Variants in SLAIN2 observed in about 807,000 individuals in gnomAD.
SLAIN2 encodes the protein SLAIN family member 2, also known as SLAIN motif-containing protein 2.
A neutral mutation model predicts 56.6 loss-of-function variants in SLAIN2; 31 were observed. The observed-to-expected ratio is 0.55, with a 90% CI of 0.41 to 0.74. SLAIN2 has a LOEUF of 0.74. Among genes scored for constraint, SLAIN2 ranks in the 30% least tolerant of loss-of-function variants. The probability of loss-of-function intolerance (pLI) is 0.00; values close to 1 mark genes in which losing one functional copy is unlikely to be tolerated. For synonymous variants in SLAIN2, 317 were observed against 284.9 expected (o/e 1.11, Z -1.13); for missense variants, 777 against 754.2 (o/e 1.03, Z -0.35).
At position 48,342,031 on chromosome 4, in the gene SLAIN2, C is replaced by T; in HGVS notation, c.292C>T (p.Leu98=). The change falls in exon 1 of 8, where the codon CTA becomes TTA. Residue 98 remains leucine, a synonymous_variant. Transcript: ENST00000264313. ...AGAGCTGCGGGACGCCACCTCCTTGCTAGCGGCGGGCGAGGGCGGCTTGCT... is the reference window on the plus strand; with the variant it reads ...AGAGCTGCGGGACGCCACCTCCTTGTTAGCGGCGGGCGAGGGCGGCTTGCT... ...SEELRDATSL[L]AAGEGGLLDE... is the part of the protein sequence containing the mutation. 1 of 1,407,062 alleles carries T rather than the reference C, an allele frequency of 7.1e-7. No homozygotes were observed. The highest frequency in any genetic ancestry group is 9.2e-7 in the Non-Finnish European group (1 of 1,086,562). 87.2% of individuals were successfully genotyped at this position (1,407,062 alleles called of 1,614,324 possible). A position where few individuals can be genotyped will look rare whatever the true frequency, so the allele number is the denominator to read the frequency against.
chr4:48,345,730 G>C (rs946758237), intron 1 of SLAIN2, among the ~76,000 whole-genome samples: 5 of 142,700 alleles, frequency 3.5e-5, no homozygotes, highest in African/African-American at 1.2e-4. Context: ...ATTTCCTTTT[G>C]TTAGTTTTTA....
chr4:48,382,425 A>G (rs1715991818), intron 4 of SLAIN2, 143 bp from the exon 5 acceptor site: 9 of 731,958 alleles, frequency 1.2e-5, no homozygotes, highest in Non-Finnish European at 1.8e-5. Context: ...ATAAGCCTAT[A>G]TAAGTCTAAA....
chr4:48,380,023 C>T (rs182895971), intron 4 of SLAIN2, among the ~76,000 whole-genome samples, 175 bp downstream of exon 4: 1 of 152,148 alleles, frequency 6.6e-6, no homozygotes, highest in African/African-American at 2.4e-5. Context: ...AACTTGTTTT[C>T]AGAGTCCATT....
At chr4:48,358,218 A>G (rs1715213788) in intron 1 of SLAIN2, among the ~76,000 whole-genome samples, 1 of 152,170 alleles carries the variant, frequency 6.6e-6, no homozygotes, top group African/African-American at 2.4e-5. Context: ...TGTAATGAAG[A>G]TTGAAAGAGT....
chr4:48,394,025 T>TA (rs1220432549), intron 6 of SLAIN2, among the ~76,000 whole-genome samples: 1 of 152,122 alleles, frequency 6.6e-6, no homozygotes, highest in Non-Finnish European at 1.5e-5. Flanking sequence ...AAGTCTGAGG[T>TA]AAAAAATTAG....
At chr4:48,397,979 T>G (rs544064354) in intron 6 of SLAIN2, among the ~76,000 whole-genome samples, 1 of 152,362 alleles carries the variant, frequency 6.6e-6, no homozygotes, top group African/African-American at 2.4e-5. Flanking sequence ...CATGCGTGCA[T>G]ACATCTTTAT....
chr4:48,418,335 C>G (rs777461263), intron 6 of SLAIN2, among the ~76,000 whole-genome samples: 1 of 152,068 alleles, frequency 6.6e-6, no homozygotes, highest in Admixed American at 6.6e-5. Context: ...GAAATTTTCC[C>G]TATTTCTGTT....
intron 6 of SLAIN2, among the ~76,000 whole-genome samples, chr4:48,389,446 C>A (rs1716178014): frequency 6.6e-6 from 1 of 152,054 alleles, no homozygotes; most frequent in Admixed American, 6.5e-5. Flanking sequence ...CTTAATTATT[C>A]AGTAGATATT....
chr4:48,402,323 T>A lies in SLAIN2; in HGVS notation c.1361-17802T>A, dbSNP rs145246581. On this transcript the variant is annotated intron_variant, in intron 6 of 7. Transcript: ENST00000264313. ...ATTTCCTGAATTTGATTATTGACCT[T>A]GTCTTGCTAGGTTGGGGAAGTTTTC... Among the ~76,000 whole-genome samples the A allele has an allele frequency of 1.6e-3, 249 of 152,266 alleles. 2 individuals carry two copies. The highest frequency in any genetic ancestry group is 5.3e-3 in the African/African-American group (221 of 41,556).
Position 48,422,186 on chromosome 4 carries a change from A to C in SLAIN2, c.*109A>C. On this transcript the variant is annotated 3_prime_UTR_variant, in exon 8 of 8. Coordinates refer to ENST00000264313, the MANE Select transcript of SLAIN2 (RefSeq NM_020846.2). ...TCAGATAAGACTCTTGGGATTTATA[A>C]AATCCCAGCCCTCTCTGTCTTAATT... 3.7e-6 allele frequency: 3 copies of C among 813,472 alleles called. No homozygotes were observed. The highest frequency in any genetic ancestry group is 6.0e-6 in the Non-Finnish European group (3 of 500,624). 50.4% of individuals were successfully genotyped at this position (813,472 alleles called of 1,614,324 possible). A position where few individuals can be genotyped will look rare whatever the true frequency, so the allele number is the denominator to read the frequency against.
chr4:48,418,074 TTTC>T (rs144101218), intron 6 of SLAIN2, among the ~76,000 whole-genome samples: 43,344 of 151,338 alleles, frequency 0.29, 6,433 homozygotes, highest in South Asian at 0.48. Flanking sequence ...TTTATTATTA[TTTC>T]TTCTTCTTCT....
At chr4:48,410,734 T>C (rs1335873569) in intron 6 of SLAIN2, among the ~76,000 whole-genome samples, 1 of 152,182 alleles carries the variant, frequency 6.6e-6, no homozygotes, top group African/African-American at 2.4e-5. Flanking sequence ...GATGTAAACC[T>C]GGAACTCAAG....
At chr4:48,373,780 C>T (rs999687550) in intron 2 of SLAIN2, among the ~76,000 whole-genome samples, 1 of 151,660 alleles carries the variant, frequency 6.6e-6, no homozygotes, top group African/African-American at 2.4e-5. Flanking sequence ...GTGGCTTACA[C>T]CTGTAATCCC....
chr4:48,381,470 T>A (rs1715970828), intron 4 of SLAIN2, among the ~76,000 whole-genome samples: 1 of 152,162 alleles, frequency 6.6e-6, no homozygotes, highest in Non-Finnish European at 1.5e-5. Context: ...GTTTTTAAGA[T>A]GAGAAATGCA....
At chr4:48,353,663 G>C (rs1239601385) in intron 1 of SLAIN2, among the ~76,000 whole-genome samples, 1 of 152,126 alleles carries the variant, frequency 6.6e-6, no homozygotes, top group Non-Finnish European at 1.5e-5. Context: ...TGAAAACTAA[G>C]CTGTGGAGTA....
chr4:48,363,790 G>C (rs1441041548), intron 1 of SLAIN2, among the ~76,000 whole-genome samples: 3 of 134,216 alleles, frequency 2.2e-5, no homozygotes, highest in Non-Finnish European at 3.3e-5. Flanking sequence ...CTGGCCGGGT[G>C]GGGGGGCTGA....
intron 5 of SLAIN2, 22 bp from the exon 6 acceptor site, chr4:48,383,625 T>A (rs775672253): frequency 1.4e-5 from 21 of 1,480,978 alleles, no homozygotes; most frequent in African/African-American, 4.2e-5. Flanking sequence ...ATGATTTTTT[T>A]AAAATTAAAA....
rs1714729581 is a variant in SLAIN2, at chr4:48,342,172, G to A, written c.389+44G>A. On this transcript the variant is annotated intron_variant, in intron 1 of 7. Transcript: ENST00000264313. ...GCAGGAGCTGGGCGGGGACGGGCCC[G>A]GGGGCGGAGAGCGTCCTCTGAGGGT... The A allele has an allele frequency of 2.3e-6, 3 of 1,328,610 alleles. No homozygotes were observed. In the African/African-American group the frequency reaches 4.6e-5, roughly 20 times the overall value. The allele number at this position is 1,328,610 out of a possible 1,614,324, so 82.3% of individuals were successfully genotyped here.
At position 48,423,359 on chromosome 4, in the gene SLAIN2, C is replaced by A. The variant is rs1257001803; in HGVS notation, c.*1282C>A. 1.3e-5 allele frequency: 2 copies of A among 151,838 alleles called. No homozygotes were observed. The highest frequency in any genetic ancestry group is 4.8e-5 in the African/African-American group (2 of 41,364). 9.4% of individuals were successfully genotyped at this position (151,838 alleles called of 1,614,324 possible). A position where few individuals can be genotyped will look rare whatever the true frequency, so the allele number is the denominator to read the frequency against. On this transcript the variant is annotated 3_prime_UTR_variant, in exon 8 of 8. Transcript: ENST00000264313. Reference sequence around the variant, plus strand: ...AATATATCCTTGAAATCGGCTATTTCAATTTTATCAGACTTTTACCAGAGT... The same window carrying A: ...AATATATCCTTGAAATCGGCTATTTAAATTTTATCAGACTTTTACCAGAGT...
Sources: gnomAD v4.1 joint callset for allele counts (sites outside exome capture counted in the v4.1 genomes callset) on GRCh38, gnomAD v4.1.1 for gene constraint, MANE v1.5 for transcripts, NCBI Gene and HGNC (gene_info 2026-07-23, HGNC 2026-07-21) for gene names.